ITGA5: variants seen among roughly 807,000 people sequenced by gnomAD.
ITGA5 encodes integrin subunit alpha 5.
A neutral mutation model predicts 146.3 loss-of-function variants in ITGA5; 55 were observed. That is an observed-to-expected ratio of 0.38 (90% confidence interval 0.30 to 0.47). ITGA5 has a LOEUF of 0.47. ITGA5 is among the 20% of genes least tolerant of loss of function. The pLI is 0.99. For synonymous variants in ITGA5, 500 were observed against 531.8 expected (o/e 0.94, Z 0.82); for missense variants, 1,131 against 1,329.0 (o/e 0.85, Z 2.32).
intron 27 of ITGA5, 135 bp from the exon 28 acceptor site, chr12:54,398,833 CTCTTT>C (rs1298691287): frequency 4.8e-4 from 188 of 390,878 alleles, no homozygotes; most frequent in African/African-American, 3.8e-3. Flanking sequence ...CTCTCTCTCT[CTCTTT>C]TTTTTTTTTT....
chr12:54,400,986 G>C lies in ITGA5; in HGVS notation c.2503C>G (p.Gln835Glu), dbSNP rs532056767. 3 of 1,613,622 alleles carry C rather than the reference G, an allele frequency of 1.9e-6. 1 individual carries two copies. Among genetic ancestry groups the C allele is most frequent in the South Asian group, 2.2e-5 (2 of 90,946 alleles). The change falls in exon 25 of 30, where the codon CAA becomes GAA. Residue 835 changes from glutamine to glutamate, a missense_variant. This residue lies in a region of ITGA5 where 889 missense variants were observed against 1,021.5 expected (regional missense o/e 0.87). Transcript: ENST00000293379. Reference sequence around the variant, plus strand: ...CCCTGGCTAATGGAGCTGGGGCCTTGGTTGATGAGCTGAGGAGGGAAGAGC... The same window carrying C: ...CCCTGGCTAATGGAGCTGGGGCCTTCGTTGATGAGCTGAGGAGGGAAGAGC... ...AVHHVYELIN[Q>E]GPSSISQGVL...
In ITGA5 at chr12:54,396,107, TGGGGG is replaced by T; in HGVS notation, c.*181_*185del. On this transcript the variant is annotated 3_prime_UTR_variant, in exon 30 of 30. Coordinates refer to ENST00000293379, the MANE Select transcript of ITGA5 (RefSeq NM_002205.5). Reference sequence around the variant, plus strand: ...GTAAACAAGGGTCCTTCACAGTGCATGGGGGGGAGGGATCCCCAGCTCCTCACCCC... The same window carrying T: ...GTAAACAAGGGTCCTTCACAGTGCATGGAGGGATCCCCAGCTCCTCACCCC... 1.7e-6 allele frequency: 1 copy of T among 587,584 alleles called. No homozygotes were observed. 36.4% of individuals were successfully genotyped at this position (587,584 alleles called of 1,614,324 possible).
At chr12:54,413,492 T>G (rs1955972129) in intron 1 of ITGA5, 1 of 152,286 alleles carries the variant, frequency 6.6e-6, no homozygotes, top group Admixed American at 6.5e-5. Flanking sequence ...TTACTGCCTG[T>G]GGCTTCCTGT....
In ITGA5 at chr12:54,408,185, C is replaced by T. The variant is rs776603186; in HGVS notation, c.742G>A (p.Glu248Lys). The change falls in exon 7 of 30, where the codon GAG becomes AAG. Residue 248 changes from glutamate (E) to lysine (K), a missense_variant. Glu to Lys is a moderately conservative substitution (Grantham distance 56, BLOSUM62 1). Coordinates refer to ENST00000293379, the MANE Select transcript of ITGA5 (RefSeq NM_002205.5). ...QEQIAESYYP[E>K]YLINLVQGQL... ...CCCTGAACCAGGTTGATCAGGTACT[C>T]GGGGTAATAAGATTCTGCAATCTGC... 2.6e-5 allele frequency: 42 copies of T among 1,613,950 alleles called. No individual in the cohort carries two copies. The highest frequency in any genetic ancestry group is 1.6e-4 in the South Asian group (15 of 91,080).
rs374725505 is a variant in ITGA5, at chr12:54,412,307, G to A, written c.219-343C>T. 1.4e-4 allele frequency: 26 copies of A among 187,294 alleles called. No individual in the cohort carries two copies. In the East Asian group the frequency reaches 1.9e-3, roughly 14 times the overall value. 11.6% of individuals were successfully genotyped at this position (187,294 alleles called of 1,614,324 possible). A position where few individuals can be genotyped will look rare whatever the true frequency, so the allele number is the denominator to read the frequency against. ...CCCCTGGCTTCTCCCTCTCCTCTAC[G>A]TACCTGCTGAGATTAGATGTATAGC... On this transcript the variant is annotated intron_variant, in intron 1 of 29. Coordinates refer to ENST00000293379, the MANE Select transcript of ITGA5 (RefSeq NM_002205.5).
Position 54,419,112 on chromosome 12 carries a change from C to A in ITGA5, c.87G>T (p.Leu29=). ...TGGGTGGCGGCGGCAGCAGCAGCAA[C>A]AGCAGCGGCAGCAGCGGGGGTCGGC... ...PRRRPPLLPL[L]LLLLPPPPRV... Residue 29 remains leucine, a synonymous_variant, in exon 1 of 30, where the codon CTG becomes CTT. Transcript: ENST00000293379. 6.3e-7 allele frequency: 1 copy of A among 1,589,356 alleles called. No individual in the cohort carries two copies. The highest frequency in any genetic ancestry group is 8.5e-7 in the Non-Finnish European group (1 of 1,170,790).
chr12:54,410,347 C>CTTTTTT (rs68135389), intron 2 of ITGA5, among the ~76,000 whole-genome samples: 1 of 133,024 alleles, frequency 7.5e-6, no homozygotes, highest in Non-Finnish European at 1.6e-5. Flanking sequence ...GTTCCACCTC[C>CTTTTTT]TTTTTTTTTT....
chr12:54,404,012 A>G, intron 15 of ITGA5, 46 bp from the exon 16 acceptor site: 2 of 1,604,358 alleles, frequency 1.2e-6, no homozygotes, highest in Non-Finnish European at 8.5e-7. Context: ...ACTGGAACAG[A>G]CATCCTATCC....
chr12:54,407,396 G>T, intron 9 of ITGA5: 1 of 537,118 alleles, frequency 1.9e-6, no homozygotes, highest in Non-Finnish European at 3.4e-6. Context: ...ATCCTTGCCA[G>T]AGCCTCGTGA....
At chr12:54,396,450 A>T (rs971972595) in intron 29 of ITGA5, 74 bp from the exon 30 acceptor site, 10 of 1,245,310 alleles carry the variant, frequency 8.0e-6, no homozygotes, top group African/African-American at 7.4e-5. Context: ...TCCAAGAAGT[A>T]ATAAGGAGGA....
intron 1 of ITGA5, 147 bp downstream of exon 1, chr12:54,418,834 A>T: frequency 5.0e-6 from 5 of 990,342 alleles, no homozygotes; most frequent in African/African-American, 3.4e-5. Flanking sequence ...CGGGCCCCCA[A>T]CTCTAGCCAG....
chr12:54,403,852 G>T lies in ITGA5; in HGVS notation c.1621+59C>A. 1 of 1,610,046 alleles carries T rather than the reference G, an allele frequency of 6.2e-7. No homozygotes were observed. The stretch of plus-strand genomic sequence containing the variant: ...TTTCAGAGAGAAGAAATGTCCCCAG[G>T]TCCCCAGTCCCTTCATTCTCTGTCC... On this transcript the variant is annotated intron_variant, in intron 16 of 29. Transcript: ENST00000293379. The surrounding 1 kb of genome is among the most constrained non-coding windows in gnomAD (Gnocchi z 4.9).
chr12:54,399,585 G>A (rs1955760652), intron 27 of ITGA5, 60 bp downstream of exon 27: 1 of 1,178,980 alleles, frequency 8.5e-7, no homozygotes, highest in South Asian at 1.2e-5. Context: ...GGAGAAAGGG[G>A]TGGGTCAGTC....
chr12:54,415,593 C>G (rs1267079933), intron 1 of ITGA5, among the ~76,000 whole-genome samples: 2 of 152,176 alleles, frequency 1.3e-5, no homozygotes, highest in Admixed American at 1.3e-4. Flanking sequence ...CTAGTCTACC[C>G]CATTGCCAAC....
Position 54,418,985 on chromosome 12 carries a change from C to T in ITGA5, c.214G>A (p.Asp72Asn). The change falls in exon 1 of 30, where the codon GAC (aspartate) becomes AAC (asparagine). Residue 72 changes from aspartate to asparagine, a missense_variant. This residue lies in a region of ITGA5 where 175 missense variants were observed against 179.3 expected (regional missense o/e 0.98). Transcript: ENST00000293379. ...TCTCCAGCCCTCCTCACTCACCCGT[C>T]TGTTCCCGGCCGGTAAAACTCCACT... ...FSVEFYRPGT[D>N]GVSVLVGAPK... The T allele has an allele frequency of 1.2e-6, 2 of 1,610,766 alleles. No homozygotes were observed. The highest frequency in any genetic ancestry group is 1.7e-6 in the Non-Finnish European group (2 of 1,179,140).
At chr12:54,405,959 G>T (rs1201811681) in intron 9 of ITGA5, 33 bp from the exon 10 acceptor site, 2 of 1,583,680 alleles carry the variant, frequency 1.3e-6, no homozygotes, top group Non-Finnish European at 1.7e-6. Context: ...CATTGGTCCT[G>T]GACTCCCAGA....
chr12:54,405,125 C>T, intron 12 of ITGA5, 41 bp downstream of exon 12: 1 of 1,511,394 alleles, frequency 6.6e-7, no homozygotes, highest in Non-Finnish European at 9.0e-7. Flanking sequence ...CTGACTTGGG[C>T]CCCTGCCTCC....
rs1227516390 is a variant in ITGA5, at chr12:54,395,986, A to G, written c.*307T>C. 3.6e-6 allele frequency: 1 copy of G among 281,678 alleles called. No individual in the cohort carries two copies. Among genetic ancestry groups the G allele is most frequent in the Non-Finnish European group, 6.8e-6 (1 of 147,550 alleles). 17.4% of individuals were successfully genotyped at this position (281,678 alleles called of 1,614,324 possible). On this transcript the variant is annotated 3_prime_UTR_variant, in exon 30 of 30. Coordinates refer to ENST00000293379, the MANE Select transcript of ITGA5 (RefSeq NM_002205.5). Reference sequence around the variant, plus strand: ...AATGGATTTCCTAGTTATCTTTCCAAGTTGTTTCAGGAAACTCTCCAAAAT... The same window carrying G: ...AATGGATTTCCTAGTTATCTTTCCAGGTTGTTTCAGGAAACTCTCCAAAAT...
chr12:54,409,570 G>C lies in ITGA5; in HGVS notation c.377C>G (p.Ser126Cys). 6.2e-7 allele frequency: 1 copy of C among 1,613,410 alleles called. No individual in the cohort carries two copies. Among genetic ancestry groups the C allele is most frequent in the African/African-American group, 1.3e-5 (1 of 75,040 alleles). Residue 126 changes from serine to cysteine, a missense_variant, in exon 3 of 30, where the codon TCC becomes TGC. Coordinates refer to ENST00000293379, the MANE Select transcript of ITGA5 (RefSeq NM_002205.5). The surrounding 1 kb of genome is among the most constrained non-coding windows in gnomAD (Gnocchi z 4.7). The stretch of plus-strand genomic sequence containing the variant: ...CACAGGCTCCTCTCCCTCTGAGCTG[G>C]ACAGTGAGGACTCCAGGAGCCGAGA... The part of the protein sequence containing the change: ...KGSRLLESSL[S>C]SSEGEEPVEY...
Sources: gnomAD v4.1 joint callset for allele counts (sites outside exome capture counted in the v4.1 genomes callset) on GRCh38, gnomAD v4.1.1 for gene constraint, gnomAD v4.1.1 regional missense constraint, Gnocchi (gnomAD v3.1) non-coding constraint, MANE v1.5 for transcripts, NCBI Gene and HGNC (gene_info 2026-07-23, HGNC 2026-07-21) for gene names.